IGSF10: variants seen among roughly 807,000 people sequenced by gnomAD.
IGSF10 encodes immunoglobulin superfamily member 10.
In IGSF10, 126 loss-of-function variants were observed where a neutral mutation model predicts 128.2. The observed-to-expected ratio is 0.98, with a 90% CI of 0.85 to 1.14. The LOEUF is 1.14. Ranked by LOEUF, IGSF10 falls within the 50% of genes most tolerant of loss-of-function variation. The pLI is 0.00. For missense variants in IGSF10, 3,295 were observed against 3,149.8 expected (o/e 1.05, Z -1.10); for synonymous variants, 1,185 against 1,146.2 (o/e 1.03, Z -0.68).
the IGSF10 span, among the ~76,000 whole-genome samples, chr3:151,537,210 T>C: frequency 6.6e-6 from 1 of 152,166 alleles, no homozygotes; most frequent in African/African-American, 2.4e-5. Context: ...CAATCAGTTG[T>C]GGCTAGAGCA....
At chr3:151,515,660 G>A in the IGSF10 span, among the ~76,000 whole-genome samples, 1 of 150,812 alleles carries the variant, frequency 6.6e-6, no homozygotes, top group Admixed American at 6.6e-5. Flanking sequence ...TCATCATGGA[G>A]AAGATAAAAT....
At chr3:151,525,285 T>C in the IGSF10 span, among the ~76,000 whole-genome samples, 50,742 of 151,952 alleles carry the variant, frequency 0.33, 8,888 homozygotes, top group Middle Eastern at 0.44. Context: ...CAATTAAGGC[T>C]ATATTACAGA....
chr3:151,457,250 C>T (rs924834232), intron 3 of IGSF10, 95 bp from the exon 4 acceptor site: 22 of 1,104,426 alleles, frequency 2.0e-5, no homozygotes, highest in Non-Finnish European at 2.8e-5. Flanking sequence ...CTCAATACCT[C>T]TCTTTATAAC....
chr3:151,560,702 GC>G, the IGSF10 span, among the ~76,000 whole-genome samples: 13 of 150,980 alleles, frequency 8.6e-5, no homozygotes, highest in African/African-American at 2.2e-4. Flanking sequence ...CATTGCCATA[GC>G]CCCCCCCTCC....
chr3:151,457,976 C>T (rs1394973188), intron 3 of IGSF10, among the ~76,000 whole-genome samples: 3 of 152,140 alleles, frequency 2.0e-5, no homozygotes, highest in Admixed American at 6.5e-5. Flanking sequence ...CTAAGTCCAA[C>T]ATGTGTATTC....
At chr3:151,540,785 C>T in the IGSF10 span, among the ~76,000 whole-genome samples, 5 of 152,318 alleles carry the variant, frequency 3.3e-5, no homozygotes, top group African/African-American at 9.6e-5. Context: ...TACATCCTCA[C>T]AAGCCTAGTC....
the IGSF10 span, among the ~76,000 whole-genome samples, chr3:151,581,863 G>A: frequency 6.6e-6 from 1 of 152,120 alleles, no homozygotes; most frequent in Non-Finnish European, 1.5e-5. Flanking sequence ...TTGAGGCCAG[G>A]AGTTTGAGAC....
At chr3:151,439,869 A>C (rs1316561681) in intron 7 of IGSF10, among the ~76,000 whole-genome samples, 2 of 152,240 alleles carry the variant, frequency 1.3e-5, no homozygotes, top group Non-Finnish European at 2.9e-5. Flanking sequence ...TGGTGCTAAA[A>C]GTGCTATCAG....
At chr3:151,601,661 GGTGTGA>G in the IGSF10 span, among the ~76,000 whole-genome samples, 1 of 152,088 alleles carries the variant, frequency 6.6e-6, no homozygotes, top group Non-Finnish European at 1.5e-5. Flanking sequence ...GTTCCTCAGA[GGTGTGA>G]GTCTGAGCTC....
In IGSF10 at chr3:151,447,021, T is replaced by C. The variant is rs1288733445; in HGVS notation, c.2960A>G (p.His987Arg). The C allele has an allele frequency of 1.9e-6, 3 of 1,614,158 alleles. No individual in the cohort carries two copies. In the East Asian group the frequency reaches 6.7e-5, roughly 36 times the overall value. The change falls in exon 6 of 8, where the codon CAC (histidine) becomes CGC (arginine). Residue 987 changes from histidine to arginine, a missense_variant. Coordinates refer to ENST00000282466, the MANE Select transcript of IGSF10 (RefSeq NM_178822.5). ...LSTSTFPSDP[H>R]TAAHSQFPIP... is the part of the protein sequence containing the mutation. ...CGGAAACTGAGAATGAGCAGCTGTG[T>C]GTGGATCTGAAGGGAACGTGGAGGT...
intron 4 of IGSF10, among the ~76,000 whole-genome samples, chr3:151,456,061 C>T (rs1721775807): frequency 6.6e-6 from 1 of 152,192 alleles, no homozygotes; most frequent in African/African-American, 2.4e-5. Context: ...TGTTCCTCAA[C>T]AGCCATTGAA....
At chr3:151,457,265 C>T (rs1306015676) in intron 3 of IGSF10, 110 bp from the exon 4 acceptor site, 9 of 1,010,648 alleles carry the variant, frequency 8.9e-6, no homozygotes, top group Non-Finnish European at 1.3e-5. Flanking sequence ...TATAACTGTA[C>T]TCTATTGAGA....
In IGSF10 at chr3:151,437,245, G is replaced by A; in HGVS notation, c.7316C>T (p.Pro2439Leu). 6.2e-7 allele frequency: 1 copy of A among 1,614,106 alleles called. No homozygotes were observed. The highest frequency in any genetic ancestry group is 8.5e-7 in the Non-Finnish European group (1 of 1,180,012). The change falls in exon 8 of 8, where the codon CCA (proline) becomes CTA (leucine). Residue 2439 changes from proline to leucine, a missense_variant. Pro to Leu is a moderately conservative substitution (Grantham distance 98, BLOSUM62 -3). Coordinates refer to ENST00000282466, the MANE Select transcript of IGSF10 (RefSeq NM_178822.5). The part of the protein sequence containing the change: ...GQKPVILTYA[P>L]GTVKGISGES... ...TCCACTGATGCCTTTTACTGTCCCTGGTGCATAGGTAAGAATAACTGGCTT... is the reference window on the plus strand; with the variant it reads ...TCCACTGATGCCTTTTACTGTCCCTAGTGCATAGGTAAGAATAACTGGCTT...
the IGSF10 span, among the ~76,000 whole-genome samples, chr3:151,546,029 T>A: frequency 6.8e-6 from 1 of 146,128 alleles, no homozygotes; most frequent in South Asian, 2.2e-4. Flanking sequence ...AGATTAGAGA[T>A]CATATGTGGC....
the IGSF10 span, among the ~76,000 whole-genome samples, chr3:151,565,313 C>A: frequency 6.6e-6 from 1 of 152,060 alleles, no homozygotes; most frequent in African/African-American, 2.4e-5. Flanking sequence ...GCCCAGAAAC[C>A]ATATTTCACC....
the IGSF10 span, among the ~76,000 whole-genome samples, chr3:151,507,718 T>A: frequency 1.3e-5 from 2 of 152,178 alleles, no homozygotes; most frequent in Non-Finnish European, 2.9e-5. Context: ...GGGTAACCAC[T>A]ACCATGATTC....
At chr3:151,470,120 G>C in the IGSF10 span, among the ~76,000 whole-genome samples, 1 of 152,062 alleles carries the variant, frequency 6.6e-6, no homozygotes, top group East Asian at 1.9e-4. Flanking sequence ...TTTTTCCCAG[G>C]CATTGCATCA....
chr3:151,517,664 A>G, the IGSF10 span, among the ~76,000 whole-genome samples: 12 of 152,120 alleles, frequency 7.9e-5, no homozygotes, highest in African/African-American at 2.9e-4. Flanking sequence ...CACCTAAGTA[A>G]GAATCTGACC....
At chr3:151,457,209 A>G in intron 3 of IGSF10, 54 bp from the exon 4 acceptor site, 1 of 1,559,652 alleles carries the variant, frequency 6.4e-7, no homozygotes, top group Non-Finnish European at 8.8e-7. Flanking sequence ...ACTAAAGTTC[A>G]AATGTCATAA....
Sources: gnomAD v4.1 joint callset for allele counts (sites outside exome capture counted in the v4.1 genomes callset) on GRCh38, gnomAD v4.1.1 for gene constraint, MANE v1.5 for transcripts, NCBI Gene and HGNC (gene_info 2026-07-23, HGNC 2026-07-21) for gene names.